RPS6KA5: variants seen among roughly 807,000 people sequenced by gnomAD.
RPS6KA5 encodes ribosomal protein S6 kinase alpha-5.
A neutral mutation model predicts 85.5 loss-of-function variants in RPS6KA5; 27 were observed. The ratio of observed to expected loss-of-function variants is 0.32; its 90% CI spans 0.23 to 0.44. The LOEUF is 0.44. RPS6KA5 is among the 20% of genes least tolerant of loss of function. The pLI, the probability that RPS6KA5 is intolerant of heterozygous loss-of-function variation, is 1.00. For synonymous variants in RPS6KA5, 334 were observed against 348.2 expected (o/e 0.96, Z 0.46); for missense variants, 811 against 980.9 (o/e 0.83, Z 2.31).
At chr14:90,944,648 G>A (rs960994961) in intron 4 of RPS6KA5, among the ~76,000 whole-genome samples, 6 of 152,024 alleles carry the variant, frequency 3.9e-5, no homozygotes, top group Admixed American at 2.0e-4. Context: ...CCAGCTACTC[G>A]GGAGGCTGAG....
intron 7 of RPS6KA5, among the ~76,000 whole-genome samples, chr14:90,919,774 T>C (rs1468161560): frequency 6.6e-6 from 1 of 152,206 alleles, no homozygotes; most frequent in Non-Finnish European, 1.5e-5. Flanking sequence ...AAGAGGATAA[T>C]TTTACGATAT....
chr14:90,971,622 A>T (rs932226906), intron 3 of RPS6KA5, among the ~76,000 whole-genome samples: 1 of 152,242 alleles, frequency 6.6e-6, no homozygotes, highest in Non-Finnish European at 1.5e-5. Context: ...TAATACTAAC[A>T]TTGTAATAAT....
In RPS6KA5 at chr14:90,863,555, A is replaced by G. The variant is rs1396901080; in HGVS notation, c.*8519T>C. The stretch of plus-strand genomic sequence containing the variant: ...TAGACTTAAAGAAATCTAAAATAAT[A>G]TACAGATTAGAATTAAAAAGTGAAT... On this transcript the variant is annotated 3_prime_UTR_variant, in exon 17 of 17. Coordinates refer to ENST00000614987, the MANE Select transcript of RPS6KA5 (RefSeq NM_004755.4). 1.3e-5 allele frequency: 2 copies of G among 151,920 alleles called. 1 individual carries two copies. The highest frequency in any genetic ancestry group is 3.8e-4 in the East Asian group (2 of 5,200). The allele number at this position is 151,920 out of a possible 1,614,324, so 9.4% of individuals were successfully genotyped here.
At chr14:90,958,778 T>C (rs555589817) in intron 3 of RPS6KA5, among the ~76,000 whole-genome samples, 3 of 152,136 alleles carry the variant, frequency 2.0e-5, no homozygotes, top group African/African-American at 4.8e-5. Flanking sequence ...CTAGTGAAGC[T>C]TGCATTCCAT....
rs1595089923 is a variant in RPS6KA5, at chr14:90,872,044, C to T, written c.*30G>A. The T allele has an allele frequency of 6.3e-7, 1 of 1,590,924 alleles. No individual in the cohort carries two copies. The highest frequency in any genetic ancestry group is 8.5e-7 in the Non-Finnish European group (1 of 1,170,636). On this transcript the variant is annotated 3_prime_UTR_variant, in exon 17 of 17. Coordinates refer to ENST00000614987, the MANE Select transcript of RPS6KA5 (RefSeq NM_004755.4). Reference sequence around the variant, plus strand: ...GGCATATGCTGAGGGAATAAAGGTGCAATGGATCACTGATACACTCCTACC... The same window carrying T: ...GGCATATGCTGAGGGAATAAAGGTGTAATGGATCACTGATACACTCCTACC...
At chr14:91,026,248 G>C (rs2041986775) in intron 1 of RPS6KA5, among the ~76,000 whole-genome samples, 1 of 152,042 alleles carries the variant, frequency 6.6e-6, no homozygotes, top group Non-Finnish European at 1.5e-5. Context: ...TGTTGCCCTG[G>C]ATTTTTTGTT....
chr14:90,894,514 G>A lies in RPS6KA5; in HGVS notation c.1543C>T (p.His515Tyr), dbSNP rs1256236878. 6.2e-7 allele frequency: 1 copy of A among 1,614,132 alleles called. No individual in the cohort carries two copies. Among genetic ancestry groups the A allele is most frequent in the South Asian group, 1.1e-5 (1 of 91,076 alleles). The change falls in exon 13 of 17, where the codon CAC becomes TAC. Residue 515 changes from histidine to tyrosine, a missense_variant. By Grantham distance (83) the His-to-Tyr change is moderately conservative. Coordinates refer to ENST00000614987, the MANE Select transcript of RPS6KA5 (RefSeq NM_004755.4). The stretch of plus-strand genomic sequence containing the variant: ...TAGCTGGCTTCCGTCTCACTGAAGT[G>A]CTTCTTTTTCTTAATGCGCTCAAAC... ...ELFERIKKKK[H>Y]FSETEASYIM...
chr14:91,020,317 TACA>T (rs1320092690), intron 1 of RPS6KA5, among the ~76,000 whole-genome samples: 3 of 152,078 alleles, frequency 2.0e-5, no homozygotes, highest in African/African-American at 4.8e-5. Context: ...AACATAATGA[TACA>T]ACAATAAGAA....
intron 2 of RPS6KA5, among the ~76,000 whole-genome samples, chr14:90,985,376 A>T (rs1473584163): frequency 6.6e-6 from 1 of 152,260 alleles, no homozygotes; most frequent in Non-Finnish European, 1.5e-5. Context: ...GTTTACATGC[A>T]TTATTCTGAA....
rs747410357 is a variant in RPS6KA5, at chr14:90,906,250, C to T, written c.856G>A (p.Ala286Thr). ...PPYPQEMSAL[A>T]KDLIQRLLMK... ...AAAAGACGCTGAATTAGGTCTTTCG[C>T]TAAAGCACTCATTTCTTGGGGATAT... Residue 286 changes from alanine to threonine, a missense_variant, in exon 8 of 17, where the codon GCG becomes ACG. Physicochemically the swap from Ala to Thr is moderately conservative, Grantham distance 58. Around this residue, in one of 3 missense-constraint regions of RPS6KA5, gnomAD observed 650 missense variants for 793.4 expected, o/e 0.82. Transcript: ENST00000614987. 6.2e-7 allele frequency: 1 copy of T among 1,612,064 alleles called. No homozygotes were observed. The highest frequency in any genetic ancestry group is 1.1e-5 in the South Asian group (1 of 90,874).
chr14:90,893,390 C>A (rs1010571978), intron 13 of RPS6KA5, among the ~76,000 whole-genome samples: 13 of 152,082 alleles, frequency 8.5e-5, no homozygotes, highest in South Asian at 8.3e-4. Flanking sequence ...ACATAGAAGT[C>A]TAAATACATG....
intron 2 of RPS6KA5, among the ~76,000 whole-genome samples, chr14:90,992,285 T>A (rs1436368762): frequency 6.6e-6 from 1 of 152,192 alleles, no homozygotes; most frequent in African/African-American, 2.4e-5. Flanking sequence ...CATAAGAGAC[T>A]ACACTGTCAG....
At chr14:90,877,225 T>C (rs1024495436) in intron 14 of RPS6KA5, among the ~76,000 whole-genome samples, 1 of 152,276 alleles carries the variant, frequency 6.6e-6, no homozygotes. Flanking sequence ...AGTTTGAAAA[T>C]AGAAGACACG....
At position 91,015,109 on chromosome 14, in the gene RPS6KA5, A is replaced by G. The variant is rs112538134; in HGVS notation, c.104-13950T>C. Among the ~76,000 whole-genome samples, 652 of 152,370 alleles carry G rather than the reference A, an allele frequency of 4.3e-3. 4 individuals carry two copies. Among genetic ancestry groups the G allele is most frequent in the African/African-American group, 0.014 (597 of 41,588 alleles). ...TGAAGAAAAAGATTTAGGGAGCAACAGAGTAAATCAAAAGGATTGCACAGA... is the reference window on the plus strand; with the variant it reads ...TGAAGAAAAAGATTTAGGGAGCAACGGAGTAAATCAAAAGGATTGCACAGA... On this transcript the variant is annotated intron_variant, in intron 1 of 16. Transcript: ENST00000614987.
At chr14:91,003,044 C>A (rs191232347) in intron 1 of RPS6KA5, among the ~76,000 whole-genome samples, 2 of 152,184 alleles carry the variant, frequency 1.3e-5, no homozygotes, top group African/African-American at 4.8e-5. Flanking sequence ...TCATAAGAGA[C>A]AACCACTTTT....
At chr14:90,922,768 T>TCG (rs2036470801) in intron 6 of RPS6KA5, among the ~76,000 whole-genome samples, 1 of 152,152 alleles carries the variant, frequency 6.6e-6, no homozygotes, top group African/African-American at 2.4e-5. Context: ...GTTTGTACTC[T>TCG]AAGAAATAGG....
chr14:90,959,218 C>G (rs1468581248), intron 3 of RPS6KA5, among the ~76,000 whole-genome samples: 1 of 152,152 alleles, frequency 6.6e-6, no homozygotes, highest in African/African-American at 2.4e-5. Context: ...ATCTACTGCA[C>G]AACATATTGT....
intron 2 of RPS6KA5, among the ~76,000 whole-genome samples, chr14:90,995,941 C>T (rs549042675): frequency 2.0e-4 from 30 of 152,198 alleles, no homozygotes; most frequent in African/African-American, 6.7e-4. Flanking sequence ...AGCAAGCAAG[C>T]TGAGTGTGTT....
chr14:90,989,264 T>C (rs545720975), intron 2 of RPS6KA5, among the ~76,000 whole-genome samples: 1 of 152,152 alleles, frequency 6.6e-6, no homozygotes, highest in Non-Finnish European at 1.5e-5. Context: ...GTTCATATGA[T>C]TAACTCAAGA....
Sources: gnomAD v4.1 joint callset for allele counts (sites outside exome capture counted in the v4.1 genomes callset) on GRCh38, gnomAD v4.1.1 for gene constraint, gnomAD v4.1.1 regional missense constraint, MANE v1.5 for transcripts, NCBI Gene and HGNC (gene_info 2026-07-23, HGNC 2026-07-21) for gene names.